The following ITCH variants were observed in gnomAD, a reference collection of about 807,000 sequenced individuals.
The protein encoded by ITCH is itchy E3 ubiquitin protein ligase.
A neutral mutation model predicts 126.8 loss-of-function variants in ITCH; 28 were observed. That is an observed-to-expected ratio of 0.22 (90% CI 0.16 to 0.30). The LOEUF (loss-of-function observed/expected upper bound fraction) is 0.30, where lower values mean the gene tolerates loss of function less well. Among genes scored for constraint, ITCH ranks in the 10% least tolerant of loss-of-function variants. The pLI is 1.00. For missense variants in ITCH, 631 were observed against 1,032.4 expected (o/e 0.61, Z 5.33); for synonymous variants, 342 against 340.0 (o/e 1.01, Z -0.06).
chr20:34,436,351 A>G (rs1428546182), intron 7 of ITCH, among the ~76,000 whole-genome samples: 1 of 152,160 alleles, frequency 6.6e-6, no homozygotes, highest in Non-Finnish European at 1.5e-5. Context: ...TTAATTTCCC[A>G]ATTTTTGGTC....
chr20:34,366,994 A>AT (rs534390077), intron 1 of ITCH, among the ~76,000 whole-genome samples: 8 of 151,330 alleles, frequency 5.3e-5, no homozygotes, highest in Middle Eastern at 3.4e-3. Flanking sequence ...CTAGATGAGG[A>AT]TTTTTTTTTA....
rs951884132 is a variant in ITCH at position 34,511,442 on chromosome 20, T to C, written c.*3648T>C. 2 of 152,158 alleles carry C rather than the reference T, an allele frequency of 1.3e-5. No individual in the cohort carries two copies. The highest frequency in any genetic ancestry group is 4.8e-5 in the African/African-American group (2 of 41,446). 9.4% of individuals were successfully genotyped at this position (152,158 alleles called of 1,614,324 possible). A position where few individuals can be genotyped will look rare whatever the true frequency, so the allele number is the denominator to read the frequency against. On this transcript the variant is annotated 3_prime_UTR_variant, in exon 25 of 25. Transcript: ENST00000374864. ...TGGGTAAGGAGGGGTCTCTTTCCTC[T>C]CTCCCCGGCCCCACCTTCTGAGACT...
intron 13 of ITCH, among the ~76,000 whole-genome samples, chr20:34,460,534 C>T (rs1196362421): frequency 6.6e-6 from 1 of 152,056 alleles, no homozygotes; most frequent in Non-Finnish European, 1.5e-5. Flanking sequence ...GGAGTAATAA[C>T]AATTACAACT....
chr20:34,463,243 A>T (rs1450108990), intron 14 of ITCH, among the ~76,000 whole-genome samples: 1 of 152,164 alleles, frequency 6.6e-6, no homozygotes, highest in Non-Finnish European at 1.5e-5. Context: ...CACACCTGTA[A>T]TCCCGGCTAC....
intron 22 of ITCH, 35 bp from the exon 23 acceptor site, chr20:34,492,466 T>C: frequency 3.3e-6 from 4 of 1,194,608 alleles, no homozygotes; most frequent in Non-Finnish European, 3.8e-6. Context: ...ATGTAACATA[T>C]GACATATATA....
intron 14 of ITCH, chr20:34,466,540 A>G (rs1987084800): frequency 2.2e-6 from 1 of 450,400 alleles, no homozygotes; most frequent in Admixed American, 3.0e-5. Context: ...GGAATAAATT[A>G]CCGATAATAT....
chr20:34,471,648 T>TTTTTCAAG, intron 16 of ITCH, 133 bp downstream of exon 16: 1 of 683,288 alleles, frequency 1.5e-6, no homozygotes, highest in Non-Finnish European at 2.7e-6. Context: ...TGCGATCTCA[T>TTTTTCAAG]TGCCAGCCAC....
chr20:34,426,832 TG>T (rs1201319851), intron 7 of ITCH, among the ~76,000 whole-genome samples: 1 of 151,932 alleles, frequency 6.6e-6, no homozygotes, highest in Non-Finnish European at 1.5e-5. Flanking sequence ...TGGAGTGCAG[TG>T]ACACAATTTT....
intron 6 of ITCH, among the ~76,000 whole-genome samples, chr20:34,417,768 A>G (rs1349149333): frequency 1.3e-5 from 2 of 149,310 alleles, no homozygotes; most frequent in East Asian, 3.9e-4. Flanking sequence ...CTGAAGTAAC[A>G]AATCAGGTGT....
chr20:34,452,069 CAAAAAAA>C (rs765697780), intron 12 of ITCH, among the ~76,000 whole-genome samples: 20 of 53,306 alleles, frequency 3.8e-4, no homozygotes, highest in African/African-American at 1.2e-3. Context: ...GACCCTGTCT[CAAAAAAA>C]AAAAAAAAAA....
Position 34,445,294 on chromosome 20 carries a change from C to T in ITCH, c.973C>T (p.Arg325Trp), listed in dbSNP as rs1276445617. Residue 325 changes from arginine (R) to tryptophan (W), a missense_variant, in exon 11 of 25, where the codon CGG becomes TGG. Transcript: ENST00000374864. ...RPEPLPPGWE[R>W]RVDNMGRIYY... is the part of the protein sequence containing the mutation. ...TTTTTTTTTCTGATTTAGCTGGGAA[C>T]GGCGGGTTGACAACATGGGACGTAT... 2 of 1,568,408 alleles carry T rather than the reference C, an allele frequency of 1.3e-6. No individual in the cohort carries two copies. The highest frequency in any genetic ancestry group is 1.7e-6 in the Non-Finnish European group (2 of 1,155,180).
intron 9 of ITCH, chr20:34,441,996 T>C: frequency 1.7e-6 from 1 of 577,336 alleles, no homozygotes; most frequent in Non-Finnish European, 3.1e-6. Context: ...GAGCAGATAC[T>C]TGCATAGAAG....
intron 7 of ITCH, among the ~76,000 whole-genome samples, chr20:34,425,935 T>A (rs2146226847): frequency 6.6e-6 from 1 of 152,334 alleles, no homozygotes; most frequent in East Asian, 1.9e-4. Flanking sequence ...CTTTTCTCAG[T>A]CTCTCGTCTC....
intron 19 of ITCH, 100 bp from the exon 20 acceptor site, chr20:34,480,966 T>A (rs1988692007): frequency 8.2e-7 from 1 of 1,225,502 alleles, no homozygotes; most frequent in African/African-American, 1.5e-5. Flanking sequence ...ATGTTATAGC[T>A]TAATATTAAT....
intron 3 of ITCH, chr20:34,401,747 C>T (rs1371860155): frequency 1.1e-5 from 6 of 549,030 alleles, no homozygotes; most frequent in Non-Finnish European, 1.4e-5. Context: ...ACAAACCTCC[C>T]CCCTAAAAAA....
chr20:34,449,715 C>A (rs1475510659), intron 12 of ITCH, among the ~76,000 whole-genome samples: 1 of 151,848 alleles, frequency 6.6e-6, no homozygotes, highest in African/African-American at 2.4e-5. Flanking sequence ...TTTTACTCTT[C>A]TACAGTTTAA....
intron 3 of ITCH, among the ~76,000 whole-genome samples, chr20:34,394,609 C>G (rs567528570): frequency 2.0e-5 from 3 of 152,202 alleles, no homozygotes; most frequent in African/African-American, 7.2e-5. Context: ...TTTCGAACAC[C>G]TGGGCTTAAA....
intron 14 of ITCH, among the ~76,000 whole-genome samples, chr20:34,465,498 C>A (rs1986966621): frequency 6.6e-6 from 1 of 152,002 alleles, no homozygotes; most frequent in Admixed American, 6.6e-5. Context: ...GATTCAATAT[C>A]TGTATCAATC....
chr20:34,488,123 G>A (rs1271802996), intron 20 of ITCH, among the ~76,000 whole-genome samples: 2 of 147,884 alleles, frequency 1.4e-5, no homozygotes, highest in African/African-American at 5.0e-5. Context: ...ACTATTTCTG[G>A]TTCTCCTTAT....
Sources: allele counts gnomAD v4.1 joint callset (sites outside exome capture counted in the v4.1 genomes callset), GRCh38; gene constraint gnomAD v4.1.1; transcripts MANE v1.5; gene names NCBI Gene and HGNC (gene_info 2026-07-23, HGNC 2026-07-21).